STPG4: variants seen among roughly 807,000 people sequenced by gnomAD.
The protein encoded by STPG4 is sperm-tail PG-rich repeat containing 4.
Under a neutral mutation model 31.5 loss-of-function variants are expected in STPG4, and 41 were observed. That is an observed-to-expected ratio of 1.30 (90% CI 1.01 to 1.69). The LOEUF is 1.69. STPG4 is among the 40% of genes most tolerant of loss of function. The probability of loss-of-function intolerance (pLI) is 0.00; values close to 1 mark genes in which losing one functional copy is unlikely to be tolerated. For missense variants in STPG4, 375 were observed against 293.4 expected, an observed-to-expected ratio of 1.28 and a Z score of -2.03; for synonymous variants, 141 against 103.0, an observed-to-expected ratio of 1.37 and a Z score of -2.24.
chr2:47,154,508 TA>T (rs1203839992), intron 1 of STPG4, among the ~76,000 whole-genome samples: 18 of 152,206 alleles, frequency 1.2e-4, no homozygotes, highest in African/African-American at 3.9e-4. Context: ...TCTACCACTT[TA>T]AATTCACTCT....
intron 4 of STPG4, 44 bp from the exon 5 acceptor site, chr2:47,130,039 T>A: frequency 6.7e-7 from 1 of 1,495,980 alleles, no homozygotes; most frequent in Non-Finnish European, 9.2e-7. Context: ...CTAAATCTAT[T>A]TTTTAAAGAT....
At chr2:47,137,177 A>G (rs542644098) in intron 3 of STPG4, among the ~76,000 whole-genome samples, 76 of 152,300 alleles carry the variant, frequency 5.0e-4, no homozygotes, top group African/African-American at 1.8e-3. Flanking sequence ...TAGTTTACTG[A>G]GAATTATTTT....
At chr2:47,089,330 TG>T (rs1685521555) in intron 6 of STPG4, among the ~76,000 whole-genome samples, 1 of 152,220 alleles carries the variant, frequency 6.6e-6, no homozygotes, top group Non-Finnish European at 1.5e-5. Context: ...AGATAAAGGC[TG>T]TGCTACCTTA....
chr2:47,123,093 T>C (rs1686306353), intron 5 of STPG4, among the ~76,000 whole-genome samples: 1 of 152,252 alleles, frequency 6.6e-6, no homozygotes, highest in Non-Finnish European at 1.5e-5. Flanking sequence ...TCCAAAGTGC[T>C]GGGATTACAG....
intron 5 of STPG4, among the ~76,000 whole-genome samples, chr2:47,112,828 T>A (rs187612716): frequency 6.6e-6 from 1 of 151,936 alleles, no homozygotes; most frequent in Non-Finnish European, 1.5e-5. Flanking sequence ...CATAGTGAGA[T>A]CCTGTCTCTA....
chr2:47,132,320 C>T (rs926542733), intron 3 of STPG4, among the ~76,000 whole-genome samples: 1 of 152,028 alleles, frequency 6.6e-6, no homozygotes, highest in Admixed American at 6.6e-5. Context: ...AGTGAATAAT[C>T]CCCTCCACTC....
At chr2:47,096,980 G>A (rs188370429) in intron 5 of STPG4, among the ~76,000 whole-genome samples, 2 of 152,128 alleles carry the variant, frequency 1.3e-5, no homozygotes, top group Non-Finnish European at 2.9e-5. Flanking sequence ...GGAGAGGCAA[G>A]TGATATGAGG....
At chr2:47,117,930 A>ATT (rs112745155) in intron 5 of STPG4, among the ~76,000 whole-genome samples, 7 of 117,568 alleles carry the variant, frequency 6.0e-5, no homozygotes, top group East Asian at 2.3e-4. Flanking sequence ...ATATATATAT[A>ATT]TTTTTTTTTT....
chr2:47,134,346 G>A (rs1251244933), intron 3 of STPG4, among the ~76,000 whole-genome samples: 1 of 152,086 alleles, frequency 6.6e-6, no homozygotes, highest in Non-Finnish European at 1.5e-5. Flanking sequence ...AAAATCCTGT[G>A]TTCTCCCTAA....
intron 5 of STPG4, among the ~76,000 whole-genome samples, chr2:47,126,913 C>T (rs1412586871): frequency 1.3e-5 from 2 of 149,834 alleles, no homozygotes; most frequent in Non-Finnish European, 3.0e-5. Flanking sequence ...ATGTTATTTA[C>T]TTCTTTCCTC....
intron 3 of STPG4, among the ~76,000 whole-genome samples, chr2:47,141,867 G>T (rs909258648): frequency 6.7e-6 from 1 of 149,696 alleles, no homozygotes; most frequent in African/African-American, 2.5e-5. Context: ...CTGAACACCT[G>T]GGGGAGGGCT....
chr2:47,147,956 C>CTTTT (rs11417126), intron 3 of STPG4, among the ~76,000 whole-genome samples: 3 of 147,016 alleles, frequency 2.0e-5, no homozygotes, highest in African/African-American at 2.5e-5. Context: ...ATACATATTC[C>CTTTT]TTTTTTTTTT....
At chr2:47,120,291 G>A (rs368412380) in intron 5 of STPG4, among the ~76,000 whole-genome samples, 29 of 151,766 alleles carry the variant, frequency 1.9e-4, no homozygotes, top group African/African-American at 6.3e-4. Flanking sequence ...AGATTGTGCC[G>A]CTGCACTCCA....
At chr2:47,113,204 C>A (rs1424619644) in intron 5 of STPG4, among the ~76,000 whole-genome samples, 3 of 152,228 alleles carry the variant, frequency 2.0e-5, no homozygotes, top group East Asian at 3.9e-4. Flanking sequence ...ATGGGACTTA[C>A]ATTCCAGAAG....
intron 5 of STPG4, among the ~76,000 whole-genome samples, chr2:47,120,247 C>T (rs972079891): frequency 2.0e-5 from 3 of 152,210 alleles, no homozygotes; most frequent in East Asian, 3.8e-4. Context: ...AGGAGAATCA[C>T]TTGAACCCGG....
intron 5 of STPG4, among the ~76,000 whole-genome samples, chr2:47,113,499 AT>A (rs1686082012): frequency 6.6e-6 from 1 of 152,352 alleles, no homozygotes; most frequent in African/African-American, 2.4e-5. Context: ...AATCAAACAT[AT>A]TAAAACAACT....
At chr2:47,110,884 C>A (rs1224166367) in intron 5 of STPG4, among the ~76,000 whole-genome samples, 1 of 152,088 alleles carries the variant, frequency 6.6e-6, no homozygotes, top group African/African-American at 2.4e-5. Flanking sequence ...ACATAATATT[C>A]TTTTAAAATG....
chr2:47,129,706 T>C (rs181145023), intron 5 of STPG4: 2 of 472,922 alleles, frequency 4.2e-6, no homozygotes, highest in Non-Finnish European at 7.4e-6. Context: ...TACCCTACCC[T>C]CTTCAGTGCC....
chr2:47,097,938 T>C (rs1404509917), intron 5 of STPG4, among the ~76,000 whole-genome samples: 5 of 140,226 alleles, frequency 3.6e-5, no homozygotes, highest in African/African-American at 1.4e-4. Context: ...ACCAACATGG[T>C]GAAACCCCAT....
Sources: allele counts gnomAD v4.1 joint callset (sites outside exome capture counted in the v4.1 genomes callset), GRCh38; gene constraint gnomAD v4.1.1; transcripts MANE v1.5; gene names NCBI Gene and HGNC (gene_info 2026-07-23, HGNC 2026-07-21).